The following GANC variants were observed in gnomAD, a reference collection of about 807,000 sequenced individuals.
GANC encodes neutral alpha-glucosidase C.
A neutral mutation model predicts 124.2 loss-of-function variants in GANC; 117 were observed. The ratio of observed to expected loss-of-function variants is 0.94; its 90% CI spans 0.81 to 1.10. The LOEUF (loss-of-function observed/expected upper bound fraction) is 1.10, where lower values mean the gene tolerates loss of function less well. Among genes scored for constraint, GANC ranks in the 50% least tolerant of loss-of-function variants. The pLI, the probability that GANC is intolerant of heterozygous loss-of-function variation, is 0.00. For missense variants in GANC, 1,140 were observed against 1,095.0 expected, an observed-to-expected ratio of 1.04 and a Z score of -0.58; for synonymous variants, 377 against 376.8, an observed-to-expected ratio of 1.00 and a Z score of -0.01.
intron 13 of GANC, among the ~76,000 whole-genome samples, chr15:42,328,324 A>G (rs1483775755): frequency 6.6e-6 from 1 of 152,198 alleles, no homozygotes; most frequent in Non-Finnish European, 1.5e-5. Flanking sequence ...GCAGAGTTGA[A>G]TAATTGAAAA....
At chr15:42,313,128 A>G (rs1475722218) in intron 10 of GANC, among the ~76,000 whole-genome samples, 1 of 152,202 alleles carries the variant, frequency 6.6e-6, no homozygotes. Context: ...TGACCATTCG[A>G]TGAAGAAGAA....
chr15:42,345,930 C>A, intron 20 of GANC, 98 bp downstream of exon 20: 2 of 806,434 alleles, frequency 2.5e-6, no homozygotes, highest in Non-Finnish European at 4.1e-6. Context: ...TTTTACCCAA[C>A]AGAAACTTAT....
intron 3 of GANC, among the ~76,000 whole-genome samples, chr15:42,279,671 T>C (rs1435949591): frequency 6.6e-6 from 1 of 152,188 alleles, no homozygotes; most frequent in Non-Finnish European, 1.5e-5. Flanking sequence ...TCTAAAGGCA[T>C]CCTAAGTTTC....
At chr15:42,281,765 T>C (rs951359790) in intron 3 of GANC, among the ~76,000 whole-genome samples, 3 of 152,178 alleles carry the variant, frequency 2.0e-5, no homozygotes, top group Non-Finnish European at 2.9e-5. Context: ...AATTAAAAAA[T>C]TGTGAAGGCT....
At position 42,352,592 on chromosome 15, in the gene GANC, GT is replaced by G; in HGVS notation, c.*455del. 9.9e-7 allele frequency: 1 copy of G among 1,007,292 alleles called. No homozygotes were observed. Among genetic ancestry groups the G allele is most frequent in the African/African-American group, 1.7e-5 (1 of 58,170 alleles). 62.4% of individuals were successfully genotyped at this position (1,007,292 alleles called of 1,614,324 possible). On this transcript the variant is annotated 3_prime_UTR_variant, in exon 24 of 24. Coordinates refer to ENST00000318010, the MANE Select transcript of GANC (RefSeq NM_198141.3). Reference sequence around the variant, plus strand: ...ACAGCAGCCTCTGGTACTCCCCCCAGTTATCTTCCACCCACATGGACTGGGC... The same window carrying G: ...ACAGCAGCCTCTGGTACTCCCCCCAGTATCTTCCACCCACATGGACTGGGC...
At position 42,352,912 on chromosome 15, in the gene GANC, G is replaced by C; in HGVS notation, c.*773G>C. 2.2e-6 allele frequency: 1 copy of C among 462,584 alleles called. No homozygotes were observed. The highest frequency in any genetic ancestry group is 2.8e-6 in the Non-Finnish European group (1 of 352,048). 28.7% of individuals were successfully genotyped at this position (462,584 alleles called of 1,614,324 possible). The stretch of plus-strand genomic sequence containing the variant: ...GAACTCATGACTGGGACTAGGATGA[G>C]GCAAGGGAGACCCTGGCCTTGGGCA... On this transcript the variant is annotated 3_prime_UTR_variant, in exon 24 of 24. Coordinates refer to ENST00000318010, the MANE Select transcript of GANC (RefSeq NM_198141.3).
chr15:42,342,084 G>A (rs976171034), intron 18 of GANC, among the ~76,000 whole-genome samples: 10 of 151,908 alleles, frequency 6.6e-5, no homozygotes, highest in African/African-American at 2.4e-4. Flanking sequence ...TTTAATATTT[G>A]TTTTCACTAA....
intron 5 of GANC, among the ~76,000 whole-genome samples, chr15:42,296,957 A>G (rs2051898307): frequency 6.8e-6 from 1 of 146,626 alleles, no homozygotes; most frequent in South Asian, 2.1e-4. Context: ...AAATGCATTT[A>G]TTTTTTCTAC....
At chr15:42,349,324 A>C (rs1030256831) in intron 21 of GANC, 59 bp from the exon 22 acceptor site, 9 of 1,079,608 alleles carry the variant, frequency 8.3e-6, no homozygotes, top group South Asian at 1.3e-5. Flanking sequence ...AGGAGCTGAC[A>C]TTCTTTTCCT....
At chr15:42,345,625 A>G (rs1432442716) in intron 19 of GANC, 133 bp from the exon 20 acceptor site, 5 of 599,036 alleles carry the variant, frequency 8.3e-6, no homozygotes, top group East Asian at 2.9e-5. Context: ...TCTACCCAAT[A>G]TATTTTTTAA....
At chr15:42,336,293 C>G (rs774530099) in intron 15 of GANC, among the ~76,000 whole-genome samples, 22 of 152,090 alleles carry the variant, frequency 1.4e-4, no homozygotes, top group Non-Finnish European at 3.1e-4. Flanking sequence ...GCATGTAGAC[C>G]AATGGAACAG....
At chr15:42,281,990 C>G (rs1242726106) in intron 3 of GANC, among the ~76,000 whole-genome samples, 1 of 151,972 alleles carries the variant, frequency 6.6e-6, no homozygotes, top group African/African-American at 2.4e-5. Context: ...GGTTTGAGAC[C>G]AGACTGATCA....
intron 2 of GANC, among the ~76,000 whole-genome samples, 177 bp from the exon 3 acceptor site, chr15:42,278,305 T>A (rs1407895052): frequency 6.6e-6 from 1 of 152,194 alleles, no homozygotes; most frequent in Non-Finnish European, 1.5e-5. Context: ...CTCATCTTAT[T>A]AGCATTCTAA....
intron 15 of GANC, among the ~76,000 whole-genome samples, chr15:42,332,959 AGTG>A (rs1176954280): frequency 9.9e-5 from 15 of 151,302 alleles, no homozygotes; most frequent in African/African-American, 3.6e-4. Context: ...CAGGGGTTGC[AGTG>A]AGCAGAGATC....
chr15:42,325,554 C>T (rs2052192265), intron 11 of GANC, among the ~76,000 whole-genome samples: 1 of 152,134 alleles, frequency 6.6e-6, no homozygotes, highest in Non-Finnish European at 1.5e-5. Context: ...ATGTTATTCT[C>T]TTAGTTTCTT....
intron 15 of GANC, among the ~76,000 whole-genome samples, chr15:42,332,790 G>C (rs1239087107): frequency 6.6e-6 from 1 of 150,386 alleles, no homozygotes; most frequent in Non-Finnish European, 1.5e-5. Flanking sequence ...GAGGCGGGTG[G>C]ATCACCTGAG....
chr15:42,331,415 C>CA (rs1400220078), intron 15 of GANC, among the ~76,000 whole-genome samples: 2 of 152,162 alleles, frequency 1.3e-5, no homozygotes, highest in East Asian at 3.8e-4. Context: ...TGGTCAGGGT[C>CA]ATCTATAACT....
chr15:42,344,109 T>A (rs947600916), intron 19 of GANC, among the ~76,000 whole-genome samples: 9 of 152,236 alleles, frequency 5.9e-5, no homozygotes, highest in African/African-American at 2.2e-4. Flanking sequence ...AGCGCCGTGC[T>A]CTCCCTCAAC....
chr15:42,311,002 A>T (rs759874785), intron 10 of GANC, among the ~76,000 whole-genome samples, 156 bp downstream of exon 10: 1 of 152,230 alleles, frequency 6.6e-6, no homozygotes, highest in Admixed American at 6.5e-5. Flanking sequence ...TCCTCATCCC[A>T]TTCAGTTCAG....
Sources: allele counts gnomAD v4.1 joint callset (sites outside exome capture counted in the v4.1 genomes callset), GRCh38; gene constraint gnomAD v4.1.1; transcripts MANE v1.5; gene names NCBI Gene and HGNC (gene_info 2026-07-23, HGNC 2026-07-21).